Variants in CTR9 observed in about 807,000 individuals in gnomAD.
CTR9 encodes the protein RNA polymerase-associated protein CTR9 homolog.
Under a neutral mutation model 152.1 loss-of-function variants are expected in CTR9, and 41 were observed. The observed-to-expected ratio is 0.27, with a 90% CI of 0.21 to 0.35. The LOEUF is 0.35. Ranked by LOEUF, CTR9 falls within the 10% of genes least tolerant of loss-of-function variation. CTR9 has a pLI of 1.00. For synonymous variants in CTR9, 476 were observed against 496.2 expected, an observed-to-expected ratio of 0.96 and a Z score of 0.54; for missense variants, 917 against 1,424.4, an observed-to-expected ratio of 0.64 and a Z score of 5.73.
chr11:10,772,584 G>A lies in CTR9; in HGVS notation c.2509G>A (p.Glu837Lys). The A allele has an allele frequency of 6.2e-7, 1 of 1,612,214 alleles. No homozygotes were observed. Among genetic ancestry groups the A allele is most frequent in the Non-Finnish European group, 8.5e-7 (1 of 1,179,138 alleles). The change falls in exon 20 of 25, where the codon GAA (glutamate) becomes AAA (lysine). Residue 837 changes from glutamate (E) to lysine (K), a missense_variant. By Grantham distance (56) the Glu-to-Lys change is moderately conservative. Around this residue, in one of 9 missense-constraint regions of CTR9, gnomAD observed 106 missense variants for 157.8 expected, o/e 0.67. Coordinates refer to ENST00000361367, the MANE Select transcript of CTR9 (RefSeq NM_014633.5). ...HVARARKQDE[E>K]ERELRAKQEQ... is the part of the protein sequence containing the mutation. ...GGCCCGGGCACGCAAACAAGATGAA[G>A]AAGAGCGGGAGCTGCGGGCCAAGCA...
chr11:10,756,881 C>T (rs1182913466), intron 5 of CTR9, 43 bp downstream of exon 5: 1 of 1,185,634 alleles, frequency 8.4e-7, no homozygotes, highest in Non-Finnish European at 1.3e-6. Context: ...GTGTATTACC[C>T]AGCTTAAAGC....
intron 2 of CTR9, 66 bp from the exon 3 acceptor site, chr11:10,754,892 A>T: frequency 6.6e-7 from 1 of 1,513,686 alleles, no homozygotes; most frequent in East Asian, 2.3e-5. Context: ...TGCTGTAAAC[A>T]TTTGTGTACA....
At position 10,778,795 on chromosome 11, in the gene CTR9, G is replaced by A; in HGVS notation, c.3212G>A (p.Gly1071Asp). Reference sequence around the variant, plus strand: ...CAGAACAAGTCTGGCAGCGAGGCCGGCAGTCCCCGGAGGCCACGAAGACAG... The same window carrying A: ...CAGAACAAGTCTGGCAGCGAGGCCGACAGTCCCCGGAGGCCACGAAGACAG... Reference protein sequence around the residue: ...ENQNKSGSEAGSPRRPRRQRS... With the variant: ...ENQNKSGSEADSPRRPRRQRS... Residue 1071 changes from glycine (G) to aspartate (D), a missense_variant, in exon 25 of 25, where the codon GGC becomes GAC. Around this residue, in one of 9 missense-constraint regions of CTR9, gnomAD observed 384 missense variants for 398.4 expected, o/e 0.96. Transcript: ENST00000361367. 3 of 1,614,228 alleles carry A rather than the reference G, an allele frequency of 1.9e-6. No individual in the cohort carries two copies. The highest frequency in any genetic ancestry group is 2.5e-6 in the Non-Finnish European group (3 of 1,180,044).
intron 19 of CTR9, among the ~76,000 whole-genome samples, 190 bp from the exon 20 acceptor site, chr11:10,772,330 G>A (rs1863155930): frequency 6.6e-6 from 1 of 151,982 alleles, no homozygotes; most frequent in South Asian, 2.1e-4. Context: ...CTCTAACCTA[G>A]GCAACAAGAG....
rs1413553513 is a variant in CTR9, at chr11:10,779,525, T to C, written c.*420T>C. 1 of 167,778 alleles carries C rather than the reference T, an allele frequency of 6.0e-6. No individual in the cohort carries two copies. Among genetic ancestry groups the C allele is most frequent in the Non-Finnish European group, 1.3e-5 (1 of 76,986 alleles). 10.4% of individuals were successfully genotyped at this position (167,778 alleles called of 1,614,324 possible). ...GTCTTTATTCCATTTTGAGTTTAGA[T>C]TGAGAATATTTTTATTTTCTGAAGG... On this transcript the variant is annotated 3_prime_UTR_variant, in exon 25 of 25. Coordinates refer to ENST00000361367, the MANE Select transcript of CTR9 (RefSeq NM_014633.5).
At chr11:10,757,791 A>C (rs995255240) in intron 5 of CTR9, among the ~76,000 whole-genome samples, 9 of 152,148 alleles carry the variant, frequency 5.9e-5, no homozygotes, top group African/African-American at 2.2e-4. Context: ...ATAAATAGTA[A>C]AGTATGTATG....
chr11:10,775,759 G>T, intron 24 of CTR9, 126 bp downstream of exon 24: 1 of 594,612 alleles, frequency 1.7e-6, no homozygotes, highest in South Asian at 2.6e-5. Flanking sequence ...AATAAGAGGG[G>T]TGGGGACAGA....
At chr11:10,763,374 C>A in intron 7 of CTR9, 57 bp from the exon 8 acceptor site, 1 of 1,145,308 alleles carries the variant, frequency 8.7e-7, no homozygotes, top group Non-Finnish European at 1.3e-6. Context: ...TAAGATAAAA[C>A]AGCTATGCAA....
intron 6 of CTR9, among the ~76,000 whole-genome samples, chr11:10,761,169 G>C (rs965405972): frequency 1.3e-5 from 2 of 152,132 alleles, no homozygotes; most frequent in African/African-American, 4.8e-5. Flanking sequence ...ACTAAATGCC[G>C]ATAGCGTTCC....
chr11:10,755,828 G>A (rs1274402057), intron 4 of CTR9, 33 bp downstream of exon 4: 3 of 1,341,074 alleles, frequency 2.2e-6, no homozygotes, highest in East Asian at 4.7e-5. Context: ...TTAGGAAACA[G>A]TTGTTTTCAG....
chr11:10,751,621 C>T (rs1042795003), intron 1 of CTR9, among the ~76,000 whole-genome samples, 164 bp downstream of exon 1: 2 of 152,066 alleles, frequency 1.3e-5, no homozygotes, highest in Middle Eastern at 3.2e-3. Context: ...GCCCCTGTGC[C>T]CTCTCAGGCT....
rs1862958140 is a variant in CTR9, at chr11:10,760,400, G to A, written c.741+79G>A. 8.9e-6 allele frequency: 12 copies of A among 1,341,802 alleles called. No homozygotes were observed. In the South Asian group the frequency reaches 1.6e-4, roughly 18 times the overall value. The allele number at this position is 1,341,802 out of a possible 1,614,324, so 83.1% of individuals were successfully genotyped here. Reference sequence around the variant, plus strand: ...CTCTTATCTAAAACTCTTGGAGCCAGATGTGTCTTAGAAATTAAGATTACA... The same window carrying A: ...CTCTTATCTAAAACTCTTGGAGCCAAATGTGTCTTAGAAATTAAGATTACA... On this transcript the variant is annotated intron_variant, in intron 6 of 24. Transcript: ENST00000361367.
chr11:10,767,730 C>A lies in CTR9; in HGVS notation c.1687-76C>A. On this transcript the variant is annotated intron_variant, in intron 13 of 24. Transcript: ENST00000361367. This position sits in a 1 kb window ranked among gnomAD's most constrained non-coding sequence, Gnocchi z 4.0. ...ATAGTTTGTAAACCTCTTCAGTAATCAGCTATTGTGGGAAGATGATTGATC... is the reference window on the plus strand; with the variant it reads ...ATAGTTTGTAAACCTCTTCAGTAATAAGCTATTGTGGGAAGATGATTGATC... 1 of 1,235,462 alleles carries A rather than the reference C, an allele frequency of 8.1e-7. No individual in the cohort carries two copies. The highest frequency in any genetic ancestry group is 1.3e-5 in the South Asian group (1 of 76,304). 76.5% of individuals were successfully genotyped at this position (1,235,462 alleles called of 1,614,324 possible). A position where few individuals can be genotyped will look rare whatever the true frequency, so the allele number is the denominator to read the frequency against.
chr11:10,770,667 T>C, intron 18 of CTR9, 35 bp downstream of exon 18: 1 of 1,587,016 alleles, frequency 6.3e-7, no homozygotes, highest in Non-Finnish European at 8.6e-7. Flanking sequence ...ATGAAATGCT[T>C]TATTTGGTCT....
In CTR9 at chr11:10,778,972, C is replaced by T; in HGVS notation, c.3389C>T (p.Ser1130Leu). ...CGCCCAGCTTCTCCAAGTGCCGAAT[C>T]AGATCACGAATCGGAGAGAGGATCT... is the stretch of plus-strand genomic sequence containing the variant. ...DSRPASPSAE[S>L]DHESERGSDN... is the part of the protein sequence containing the mutation. The change falls in exon 25 of 25, where the codon TCA becomes TTA. Residue 1130 changes from serine to leucine, a missense_variant. Transcript: ENST00000361367. 6.2e-7 allele frequency: 1 copy of T among 1,614,156 alleles called. No homozygotes were observed. The highest frequency in any genetic ancestry group is 8.5e-7 in the Non-Finnish European group (1 of 1,180,046).
chr11:10,772,054 CA>C (rs558336065), intron 19 of CTR9, among the ~76,000 whole-genome samples: 11 of 148,166 alleles, frequency 7.4e-5, no homozygotes, highest in African/African-American at 9.9e-5. Flanking sequence ...AAGTGTAATG[CA>C]AAAAAAAAAA....
At position 10,757,440 on chromosome 11, in the gene CTR9, G is replaced by A. The variant is rs1227883089; in HGVS notation, c.592+602G>A. Among the ~76,000 whole-genome samples, 8 of 151,790 alleles carry A rather than the reference G, an allele frequency of 5.3e-5. No homozygotes were observed. In the South Asian group the frequency reaches 8.3e-4, roughly 16 times the overall value. Reference sequence around the variant, plus strand: ...CCCCCATCTCTACAGAAAATCAGCCGCACATGGTAGTGCTTGTGGTCGCAC... The same window carrying A: ...CCCCCATCTCTACAGAAAATCAGCCACACATGGTAGTGCTTGTGGTCGCAC... On this transcript the variant is annotated intron_variant, in intron 5 of 24. Coordinates refer to ENST00000361367, the MANE Select transcript of CTR9 (RefSeq NM_014633.5).
chr11:10,772,028 A>G (rs539240955), intron 19 of CTR9, among the ~76,000 whole-genome samples: 31 of 152,156 alleles, frequency 2.0e-4, no homozygotes, highest in African/African-American at 7.5e-4. Context: ...GACTCCATAC[A>G]TTGGTATGGT....
At chr11:10,765,252 C>T (rs555579113) in intron 12 of CTR9, among the ~76,000 whole-genome samples, 16 of 152,216 alleles carry the variant, frequency 1.1e-4, no homozygotes, top group African/African-American at 3.1e-4. Flanking sequence ...GCCACTGCAG[C>T]GGGATCGCTT....
Sources: gnomAD v4.1 joint callset for allele counts (sites outside exome capture counted in the v4.1 genomes callset) on GRCh38, gnomAD v4.1.1 for gene constraint, gnomAD v4.1.1 regional missense constraint, Gnocchi (gnomAD v3.1) non-coding constraint, MANE v1.5 for transcripts, NCBI Gene and HGNC (gene_info 2026-07-23, HGNC 2026-07-21) for gene names.